Variants in BCOR observed in about 807,000 individuals in gnomAD.
BCOR encodes BCL-6 corepressor.
Under a neutral mutation model 86.7 loss-of-function variants are expected in BCOR, and 10 were observed. The observed-to-expected ratio is 0.12, with a 90% CI of 0.07 to 0.20. The LOEUF is 0.20. Among genes scored for constraint, BCOR ranks in the 10% least tolerant of loss-of-function variants. The pLI is 1.00. For missense variants in BCOR, 1,259 were observed against 1,452.1 expected, an observed-to-expected ratio of 0.87 and a Z score of 2.16; for synonymous variants, 611 against 609.0, an observed-to-expected ratio of 1.00 and a Z score of -0.05.
intron 1 of BCOR, among the ~76,000 whole-genome samples, chrX:40,162,765 A>G (rs1938445760): frequency 8.9e-6 from 1 of 112,347 alleles, no homozygotes; most frequent in South Asian, 3.7e-4. Flanking sequence ...ATTCCCAAGC[A>G]AAACAAAATC....
At position 40,071,184 on chromosome X, in the gene BCOR, A is replaced by G. The variant is rs181052202; in HGVS notation, c.3052-25T>C. The G allele has an allele frequency of 4.0e-4, 461 of 1,165,418 alleles. 3 individuals carry two copies. In the East Asian group the frequency reaches 0.011, roughly 27 times the overall value. ...GCTAGAAAGAGAACGGAGATGGAAA[A>G]AAAAAAAAACAACACCTTACCATAA... On this transcript the variant is annotated intron_variant, in intron 5 of 14. Transcript: ENST00000378444.
At chrX:40,169,721 C>T in intron 1 of BCOR, among the ~76,000 whole-genome samples, 1 of 111,329 alleles carries the variant, frequency 9.0e-6, no homozygotes, top group Non-Finnish European at 1.9e-5. Context: ...CCCAGGGCTG[C>T]GGAGGTAAAC....
At chrX:40,120,475 C>T (rs747148217) in intron 1 of BCOR, among the ~76,000 whole-genome samples, 3 of 112,013 alleles carry the variant, frequency 2.7e-5, no homozygotes, top group African/African-American at 9.7e-5. Flanking sequence ...CTTTTCTCTG[C>T]GCAGTTTTAG....
At chrX:40,116,793 A>T (rs1602236046) in intron 1 of BCOR, among the ~76,000 whole-genome samples, 1 of 112,619 alleles carries the variant, frequency 8.9e-6, no homozygotes, top group East Asian at 2.8e-4. Context: ...GCATCCTGGC[A>T]TGCAAATGAT....
At position 40,051,496 on chromosome X, in the gene BCOR, A is replaced by C. The variant is rs1025464247; in HGVS notation, c.*613T>G. 3.5e-5 allele frequency: 6 copies of C among 172,216 alleles called. No homozygotes were observed. Among genetic ancestry groups the C allele is most frequent in the Non-Finnish European group, 6.7e-5 (6 of 90,001 alleles). The allele number at this position is 172,216 out of a possible 1,213,427, so 14.2% of individuals were successfully genotyped here. ...TTTAAATAAGAGCATAAAATGTTTAAACATATAAACAATCCGGTTTGATGC... is the reference window on the plus strand; with the variant it reads ...TTTAAATAAGAGCATAAAATGTTTACACATATAAACAATCCGGTTTGATGC... On this transcript the variant is annotated 3_prime_UTR_variant, in exon 15 of 15. Transcript: ENST00000378444.
intron 1 of BCOR, among the ~76,000 whole-genome samples, chrX:40,176,219 T>G (rs1938747765): frequency 8.9e-6 from 1 of 111,935 alleles, no homozygotes; most frequent in Non-Finnish European, 1.9e-5. Context: ...GCTCCCACAG[T>G]CCTGGGGAGC....
chrX:40,096,799 C>T (rs1352996797), intron 1 of BCOR, among the ~76,000 whole-genome samples: 1 of 112,383 alleles, frequency 8.9e-6, no homozygotes, highest in African/African-American at 3.2e-5. Flanking sequence ...TTCCTGCTCG[C>T]GAGCTAACGC....
chrX:40,087,660 C>T (rs1027410038), intron 1 of BCOR, among the ~76,000 whole-genome samples: 5 of 111,396 alleles, frequency 4.5e-5, no homozygotes, highest in African/African-American at 1.6e-4. Flanking sequence ...AATAAACCCC[C>T]GGTGCTGCTT....
chrX:40,174,055 G>A (rs185598761), intron 1 of BCOR, among the ~76,000 whole-genome samples: 1 of 113,169 alleles, frequency 8.8e-6, no homozygotes, highest in Non-Finnish European at 1.9e-5. Flanking sequence ...AGAGCCTAGG[G>A]AGGCCTCGGC....
At chrX:40,123,329 TC>T (rs1375678419) in intron 1 of BCOR, among the ~76,000 whole-genome samples, 2 of 106,713 alleles carry the variant, frequency 1.9e-5, no homozygotes, top group African/African-American at 3.5e-5. Context: ...TGGTGTATAG[TC>T]AGTAGGGGTA....
chrX:40,168,654 G>A (rs1256635695), intron 1 of BCOR, among the ~76,000 whole-genome samples: 2 of 112,619 alleles, frequency 1.8e-5, no homozygotes, highest in Admixed American at 1.9e-4. Context: ...CAAGGGGCTG[G>A]GGCTCCCCGG....
intron 1 of BCOR, among the ~76,000 whole-genome samples, chrX:40,105,094 TATC>T (rs1454221895): frequency 9.0e-6 from 1 of 110,833 alleles, no homozygotes; most frequent in African/African-American, 3.3e-5. Context: ...GTGCCCGCCA[TATC>T]AGCAGCAGCG....
intron 1 of BCOR, among the ~76,000 whole-genome samples, chrX:40,132,206 T>C (rs1209238032): frequency 8.9e-6 from 1 of 112,191 alleles, no homozygotes; most frequent in Admixed American, 9.5e-5. Flanking sequence ...ATCCTTCCGA[T>C]GGCTGCAGCC....
intron 1 of BCOR, among the ~76,000 whole-genome samples, chrX:40,168,637 G>A (rs1938554199): frequency 8.9e-6 from 1 of 112,566 alleles, no homozygotes; most frequent in South Asian, 3.6e-4. Flanking sequence ...GAGGGCGAGA[G>A]GGGGGCCAAG....
At chrX:40,088,845 G>A (rs997674264) in intron 1 of BCOR, among the ~76,000 whole-genome samples, 3 of 111,958 alleles carry the variant, frequency 2.7e-5, no homozygotes, top group African/African-American at 9.8e-5. Context: ...TCTAGGCACC[G>A]TGGTTCCCCC....
Position 40,071,178 on chromosome X carries a change from T to C in BCOR, c.3052-19A>G. ...TTGCACGCTAGAAAGAGAACGGAGA[T>C]GGAAAAAAAAAAAAACAACACCTTA... On this transcript the variant is annotated intron_variant, in intron 5 of 14. Transcript: ENST00000378444. 1 of 1,118,982 alleles carries C rather than the reference T, an allele frequency of 8.9e-7. No homozygotes were observed. The highest frequency in any genetic ancestry group is 3.1e-5 in the East Asian group (1 of 31,821). The allele number at this position is 1,118,982 out of a possible 1,213,427, so 92.2% of individuals were successfully genotyped here.
At chrX:40,131,515 C>T (rs1165461657) in intron 1 of BCOR, among the ~76,000 whole-genome samples, 1 of 111,844 alleles carries the variant, frequency 8.9e-6, no homozygotes, top group African/African-American at 3.3e-5. Context: ...GGCGTGGTGG[C>T]ACATGCCTGT....
chrX:40,072,012 C>T, intron 4 of BCOR: 2 of 397,041 alleles, frequency 5.0e-6, no homozygotes, highest in Admixed American at 4.6e-5. Context: ...AGCAGCACTT[C>T]TAGGTATATT....
chrX:40,172,560 T>G (rs775264429), intron 1 of BCOR, among the ~76,000 whole-genome samples: 33 of 113,135 alleles, frequency 2.9e-4, no homozygotes, highest in African/African-American at 1.1e-3. Context: ...TGTGTGTTTA[T>G]GTGTCTGCGC....
Sources: gnomAD v4.1 joint callset for allele counts (sites outside exome capture counted in the v4.1 genomes callset) on GRCh38, gnomAD v4.1.1 for gene constraint, MANE v1.5 for transcripts, NCBI Gene and HGNC (gene_info 2026-07-23, HGNC 2026-07-21) for gene names.